The following ADAMTS18 variants were observed in gnomAD, a reference collection of about 807,000 sequenced individuals.
ADAMTS18 encodes A disintegrin and metalloproteinase with thrombospondin motifs 18.
A neutral mutation model predicts 165.9 loss-of-function variants in ADAMTS18; 157 were observed. That is an observed-to-expected ratio of 0.95 (90% confidence interval 0.83 to 1.08). The LOEUF is 1.08. ADAMTS18 is among the 50% of genes least tolerant of loss of function. The pLI is 0.00. For synonymous variants in ADAMTS18, 782 were observed against 578.2 expected (o/e 1.35, Z -5.06); for missense variants, 2,040 against 1,534.0 (o/e 1.33, Z -5.51).
Position 77,425,427 on chromosome 16 carries a change from T to C in ADAMTS18, c.495+5868A>G, listed in dbSNP as rs143587626. Among the ~76,000 whole-genome samples the C allele has an allele frequency of 2.0e-3, 304 of 152,174 alleles. 1 individual carries two copies. Among genetic ancestry groups the C allele is most frequent in the African/African-American group, 7.0e-3 (292 of 41,522 alleles). The stretch of plus-strand genomic sequence containing the variant: ...TGGTAATCAGACACCGGGCAGAAGA[T>C]CCAAGAGAAACAGCAAAGCAGTCCA... On this transcript the variant is annotated intron_variant, in intron 3 of 22. Transcript: ENST00000282849.
At chr16:77,321,921 T>C (rs1225787972) in intron 14 of ADAMTS18, among the ~76,000 whole-genome samples, 2 of 152,004 alleles carry the variant, frequency 1.3e-5, no homozygotes, top group African/African-American at 2.4e-5. Flanking sequence ...TTTGGGAGGC[T>C]GAAGCGGGCA....
At chr16:77,355,348 A>G (rs1007765043) in intron 9 of ADAMTS18, among the ~76,000 whole-genome samples, 2 of 152,130 alleles carry the variant, frequency 1.3e-5, no homozygotes, top group Admixed American at 6.6e-5. Context: ...TTATATAGCT[A>G]CCATCTTCTT....
intron 22 of ADAMTS18, among the ~76,000 whole-genome samples, chr16:77,287,981 C>G (rs1290756126): frequency 6.6e-6 from 1 of 152,148 alleles, no homozygotes; most frequent in African/African-American, 2.4e-5. Flanking sequence ...ATATAAGGTG[C>G]TTGGTGACTT....
chr16:77,325,102 C>T (rs1373601625), intron 13 of ADAMTS18, among the ~76,000 whole-genome samples: 2 of 152,142 alleles, frequency 1.3e-5, no homozygotes, highest in African/African-American at 2.4e-5. Context: ...CAGAACAGCC[C>T]ATGGATTGTC....
At chr16:77,393,274 T>C (rs16945596) in intron 3 of ADAMTS18, among the ~76,000 whole-genome samples, 57 of 152,290 alleles carry the variant, frequency 3.7e-4, no homozygotes, top group African/African-American at 1.2e-3. Context: ...TATTACGCCA[T>C]AGCCCTAATA....
In ADAMTS18 at chr16:77,335,884, G is replaced by C. The variant is rs148319220; in HGVS notation, c.1731C>G (p.Cys577Trp). 1 of 1,614,208 alleles carries C rather than the reference G, an allele frequency of 6.2e-7. No homozygotes were observed. Among genetic ancestry groups the C allele is most frequent in the Middle Eastern group, 1.6e-4 (1 of 6,062 alleles). ...GLSMWCRQGQ[C>W]VKFGELGPRP... ...GGGGCCCGAGCTCCCCAAACTTTAC[G>C]CACTGGCCTTGCCGACACCACTGTG... The change falls in exon 12 of 23, where the codon TGC becomes TGG. Residue 577 changes from cysteine to tryptophan, a missense_variant. By Grantham distance (215) the Cys-to-Trp change is radical. Coordinates refer to ENST00000282849, the MANE Select transcript of ADAMTS18 (RefSeq NM_199355.4).
chr16:77,323,237 G>A (rs13338913), intron 13 of ADAMTS18, among the ~76,000 whole-genome samples: 70,433 of 151,966 alleles, frequency 0.46, 16,995 homozygotes, highest in East Asian at 0.88. Flanking sequence ...GTTTCTCACA[G>A]GAGACCTTCT....
chr16:77,401,951 C>A (rs151294777), intron 3 of ADAMTS18, among the ~76,000 whole-genome samples: 1 of 152,180 alleles, frequency 6.6e-6, no homozygotes, highest in Admixed American at 6.5e-5. Flanking sequence ...GTAAGAGTTA[C>A]ACCTTTGGCT....
intron 11 of ADAMTS18, 36 bp from the exon 12 acceptor site, chr16:77,335,940 G>T: frequency 6.2e-7 from 1 of 1,613,780 alleles, no homozygotes; most frequent in Non-Finnish European, 8.5e-7. Flanking sequence ...TCCCGTCAGA[G>T]ACCACCTGGG....
chr16:77,404,010 TCC>T (rs2057363784), intron 3 of ADAMTS18, among the ~76,000 whole-genome samples: 3 of 125,728 alleles, frequency 2.4e-5, no homozygotes, highest in African/African-American at 8.6e-5. Flanking sequence ...CCTCCCTCCC[TCC>T]CTCCCTCCCT....
chr16:77,431,650 C>T (rs1344004119), intron 2 of ADAMTS18, 39 bp from the exon 3 acceptor site: 4 of 1,605,970 alleles, frequency 2.5e-6, no homozygotes, highest in Non-Finnish European at 3.4e-6. Flanking sequence ...ACCCAGAGCC[C>T]ACAATTCCAA....
intron 11 of ADAMTS18, among the ~76,000 whole-genome samples, chr16:77,340,802 A>T (rs940363002): frequency 1.3e-5 from 2 of 152,146 alleles, no homozygotes; most frequent in Non-Finnish European, 2.9e-5. Context: ...TCCTGGCTTC[A>T]AGCAATCCTC....
intron 9 of ADAMTS18, 79 bp downstream of exon 9, chr16:77,355,861 T>A: frequency 6.5e-7 from 1 of 1,535,670 alleles, no homozygotes; most frequent in Non-Finnish European, 9.0e-7. Context: ...TTCCACTGAG[T>A]ATTCGTTTGC....
intron 3 of ADAMTS18, among the ~76,000 whole-genome samples, chr16:77,380,273 C>A (rs1296783890): frequency 6.6e-6 from 1 of 152,226 alleles, no homozygotes; most frequent in Non-Finnish European, 1.5e-5. Context: ...AGCCCTTCAA[C>A]TATAACCGTC....
chr16:77,307,204 T>C (rs1208849839), intron 16 of ADAMTS18, among the ~76,000 whole-genome samples: 1 of 152,220 alleles, frequency 6.6e-6, no homozygotes, highest in Non-Finnish European at 1.5e-5. Context: ...AAAGCCCAAA[T>C]TGCACCTTAC....
At chr16:77,384,673 G>C (rs905108009) in intron 3 of ADAMTS18, among the ~76,000 whole-genome samples, 1 of 152,266 alleles carries the variant, frequency 6.6e-6, no homozygotes, top group Admixed American at 6.5e-5. Context: ...GCCTGTAGCA[G>C]TGAAGATTGT....
intron 3 of ADAMTS18, among the ~76,000 whole-genome samples, chr16:77,395,445 T>C (rs2057244070): frequency 6.6e-6 from 1 of 152,196 alleles, no homozygotes; most frequent in Non-Finnish European, 1.5e-5. Context: ...AGTCATTCCC[T>C]CCACTGGGGC....
At chr16:77,368,892 C>T (rs1192527279) in intron 3 of ADAMTS18, among the ~76,000 whole-genome samples, 2 of 152,204 alleles carry the variant, frequency 1.3e-5, no homozygotes, top group Non-Finnish European at 2.9e-5. Flanking sequence ...CCCATTTAAT[C>T]ACAATTTCAT....
At chr16:77,296,291 A>G (rs1339321246) in intron 18 of ADAMTS18, among the ~76,000 whole-genome samples, 1 of 152,112 alleles carries the variant, frequency 6.6e-6, no homozygotes, top group Non-Finnish European at 1.5e-5. Flanking sequence ...AAACTCACTG[A>G]GCCCCTCCAA....
Sources: gnomAD v4.1 joint callset for allele counts (sites outside exome capture counted in the v4.1 genomes callset) on GRCh38, gnomAD v4.1.1 for gene constraint, MANE v1.5 for transcripts, NCBI Gene and HGNC (gene_info 2026-07-23, HGNC 2026-07-21) for gene names.